Variants in RTN1 observed in about 807,000 individuals in gnomAD.
The protein encoded by RTN1 is reticulon-1.
RTN1 carries 25 observed loss-of-function variants against 65.5 expected under a neutral mutation model. The ratio of observed to expected loss-of-function variants is 0.38; its 90% confidence interval spans 0.28 to 0.53. The LOEUF is 0.53. Ranked by LOEUF, RTN1 falls within the 20% of genes least tolerant of loss-of-function variation. The pLI is 0.79. For missense variants in RTN1, 983 were observed against 1,025.4 expected (o/e 0.96, Z 0.57); for synonymous variants, 471 against 447.6 (o/e 1.05, Z -0.66).
rs146526175 is a variant in RTN1, at chr14:59,739,002, C to T, written c.1015+6706G>A. On this transcript the variant is annotated intron_variant, in intron 2 of 8. Coordinates refer to ENST00000267484, the MANE Select transcript of RTN1 (RefSeq NM_021136.3). ...GCAACACACACTGGGGCCTGTCAGA[C>T]GGTGAAGGGGGAGGAAGGAGAGCAT... Among the ~76,000 whole-genome samples the T allele has an allele frequency of 2.3e-3, 346 of 151,920 alleles. 8 individuals carry two copies. In the East Asian group the frequency reaches 0.036, roughly 16 times the overall value.
At chr14:59,638,454 A>C (rs1882712036) in intron 3 of RTN1, among the ~76,000 whole-genome samples, 1 of 152,206 alleles carries the variant, frequency 6.6e-6, no homozygotes, top group African/African-American at 2.4e-5. Context: ...AGTAGAGTAG[A>C]TTTAACATAA....
chr14:59,831,811 G>A (rs903350504), intron 1 of RTN1, among the ~76,000 whole-genome samples: 8 of 151,502 alleles, frequency 5.3e-5, no homozygotes, highest in African/African-American at 1.7e-4. Flanking sequence ...GAACACTCAC[G>A]AACTTACCAG....
At chr14:59,672,046 T>C (rs1883515629) in intron 3 of RTN1, among the ~76,000 whole-genome samples, 1 of 152,232 alleles carries the variant, frequency 6.6e-6, no homozygotes, top group African/African-American at 2.4e-5. Flanking sequence ...TGAAAGTCTC[T>C]AAAATCAGCC....
At chr14:59,637,093 C>A (rs1395989123) in intron 3 of RTN1, among the ~76,000 whole-genome samples, 1 of 152,184 alleles carries the variant, frequency 6.6e-6, no homozygotes, top group Admixed American at 6.5e-5. Context: ...GCACCTTACC[C>A]ACAGTAGAAG....
intron 1 of RTN1, among the ~76,000 whole-genome samples, chr14:59,750,058 AC>A (rs1250893959): frequency 2.1e-4 from 12 of 56,764 alleles, no homozygotes; most frequent in African/African-American, 9.1e-4. Flanking sequence ...TATATTATAT[AC>A]ATATATTATA....
chr14:59,629,882 CAA>C (rs1293177912), intron 3 of RTN1, among the ~76,000 whole-genome samples: 1 of 152,210 alleles, frequency 6.6e-6, no homozygotes, highest in African/African-American at 2.4e-5. Flanking sequence ...CCAAATATTT[CAA>C]AGTGAACCAT....
chr14:59,697,503 T>C (rs1884086999), intron 3 of RTN1, among the ~76,000 whole-genome samples: 1 of 152,134 alleles, frequency 6.6e-6, no homozygotes, highest in South Asian at 2.1e-4. Flanking sequence ...TCATCACTGA[T>C]ATGTAGGAAG....
chr14:59,857,701 C>T (rs1194681029), intron 1 of RTN1, among the ~76,000 whole-genome samples: 2 of 152,172 alleles, frequency 1.3e-5, no homozygotes, highest in Admixed American at 6.5e-5. Context: ...TTAGAATTAT[C>T]CTCATTGAAT....
intron 4 of RTN1, chr14:59,605,719 G>A: frequency 2.2e-6 from 1 of 460,472 alleles, no homozygotes; most frequent in Non-Finnish European, 3.8e-6. Context: ...TCTCAGTGGA[G>A]CATTGTGACT....
intron 1 of RTN1, among the ~76,000 whole-genome samples, chr14:59,857,777 A>G (rs978296251): frequency 6.6e-6 from 1 of 152,192 alleles, no homozygotes; most frequent in African/African-American, 2.4e-5. Flanking sequence ...CTTCCCTTAC[A>G]TATAAGCCTG....
chr14:59,771,306 T>C (rs912445576), intron 1 of RTN1, among the ~76,000 whole-genome samples: 20 of 152,214 alleles, frequency 1.3e-4, no homozygotes, highest in African/African-American at 4.8e-4. Context: ...ATCAGCTGAC[T>C]TCTAACCCAA....
Position 59,733,085 on chromosome 14 carries a change from T to TC in RTN1, c.1016-5418_1016-5417insG, listed in dbSNP as rs970748651. Among the ~76,000 whole-genome samples, 12 of 150,168 alleles carry TC rather than the reference T, an allele frequency of 8.0e-5. 1 individual carries two copies. Among genetic ancestry groups the TC allele is most frequent in the Admixed American group, 2.0e-4 (3 of 15,194 alleles). ...CCAGATTGTGGTCAGACTGCTTTTTTTTTTTTTCTTTCTTTCTTTCTTTTG... is the reference window on the plus strand; with the variant it reads ...CCAGATTGTGGTCAGACTGCTTTTTTCTTTTTTTCTTTCTTTCTTTCTTTTG... On this transcript the variant is annotated intron_variant, in intron 2 of 8. Transcript: ENST00000267484.
chr14:59,757,527 C>T (rs566765111), intron 1 of RTN1, among the ~76,000 whole-genome samples: 1 of 152,114 alleles, frequency 6.6e-6, no homozygotes. Context: ...TCAATTAAAC[C>T]TCTTTCCTTT....
rs987457008 is a variant in RTN1 at position 59,727,764 on chromosome 14, G to A, written c.1016-96C>T. The stretch of plus-strand genomic sequence containing the variant: ...GGGATAAAACAAAATTCCATTAGGC[G>A]AGATGTTTTGTCGTTGCTTGAGAAA... On this transcript the variant is annotated intron_variant, in intron 2 of 8. Coordinates refer to ENST00000267484, the MANE Select transcript of RTN1 (RefSeq NM_021136.3). This position sits in a 1 kb window ranked among gnomAD's most constrained non-coding sequence, Gnocchi z 4.2. 8 of 1,438,584 alleles carry A rather than the reference G, an allele frequency of 5.6e-6. No homozygotes were observed. Among genetic ancestry groups the A allele is most frequent in the Admixed American group, 2.7e-5 (1 of 37,492 alleles). 89.1% of individuals were successfully genotyped at this position (1,438,584 alleles called of 1,614,324 possible).
intron 3 of RTN1, among the ~76,000 whole-genome samples, chr14:59,619,242 A>G (rs533300575): frequency 6.6e-6 from 1 of 152,324 alleles, no homozygotes; most frequent in Admixed American, 6.5e-5. Flanking sequence ...ATCACTGCCA[A>G]AAACAGGAAA....
chr14:59,661,308 A>G (rs899872168), intron 3 of RTN1, among the ~76,000 whole-genome samples: 4 of 151,488 alleles, frequency 2.6e-5, no homozygotes, highest in African/African-American at 9.7e-5. Context: ...TCACAGCCGA[A>G]TTCTATTCGA....
chr14:59,701,032 C>G (rs1023056451), intron 3 of RTN1, among the ~76,000 whole-genome samples: 1 of 151,938 alleles, frequency 6.6e-6, no homozygotes, highest in Non-Finnish European at 1.5e-5. Flanking sequence ...AAAGAAAATC[C>G]GCCTAATGTA....
intron 3 of RTN1, among the ~76,000 whole-genome samples, chr14:59,696,597 C>A (rs951583984): frequency 6.6e-6 from 1 of 151,902 alleles, no homozygotes; most frequent in Non-Finnish European, 1.5e-5. Context: ...GGCTGGCAGG[C>A]TGGGGGACAA....
intron 2 of RTN1, among the ~76,000 whole-genome samples, chr14:59,732,519 G>A (rs1440569764): frequency 6.6e-6 from 1 of 152,172 alleles, no homozygotes; most frequent in African/African-American, 2.4e-5. Context: ...GAACCCCCCT[G>A]CCTCCCAGCC....
Sources: allele counts gnomAD v4.1 joint callset (sites outside exome capture counted in the v4.1 genomes callset), GRCh38; gene constraint gnomAD v4.1.1; non-coding constraint Gnocchi (gnomAD v3.1); transcripts MANE v1.5; gene names NCBI Gene and HGNC (gene_info 2026-07-23, HGNC 2026-07-21).